The following ECI2 variants were observed in gnomAD, a reference collection of about 807,000 sequenced individuals.
ECI2 encodes D3,D2-enoyl-CoA isomerase.
Under a neutral mutation model 38.4 loss-of-function variants are expected in ECI2, and 27 were observed. The observed-to-expected ratio is 0.70, with a 90% confidence interval of 0.52 to 0.97. The LOEUF is 0.97. Among genes scored for constraint, ECI2 ranks in the 50% least tolerant of loss-of-function variants. ECI2 has a pLI of 0.00. For missense variants in ECI2, 470 were observed against 474.4 expected (o/e 0.99, Z 0.09); for synonymous variants, 168 against 172.0 (o/e 0.98, Z 0.18).
chr6:4,127,172 T>C (rs1773214491), intron 5 of ECI2, among the ~76,000 whole-genome samples: 1 of 152,230 alleles, frequency 6.6e-6, no homozygotes, highest in Non-Finnish European at 1.5e-5. Context: ...TATTCCATTG[T>C]ACAAATAGTC....
In ECI2 at chr6:4,119,282, A is replaced by G. The variant is rs2326408; in HGVS notation, c.796-7T>C. On this transcript the variant is annotated splice_region_variant and splice_polypyrimidine_tract_variant and intron_variant, in intron 7 of 9. Transcript: ENST00000380118. ...ATGGTGTATGAAATGTTGCCTGCAG[A>G]GGCAGGAGAGAAAAGAAAACCATCT... 665,870 of 1,590,442 alleles carry G rather than the reference A, an allele frequency of 0.42. 146,046 individuals carry two copies. The highest frequency in any genetic ancestry group is 0.8 in the African/African-American group (58,943 of 73,708).
intron 5 of ECI2, 97 bp downstream of exon 5, chr6:4,127,665 G>A (rs773062687): frequency 2.2e-5 from 27 of 1,245,158 alleles, no homozygotes; most frequent in South Asian, 1.9e-4. Context: ...CACCTGCCTC[G>A]GCCTCCAGGT....
At position 4,133,863 on chromosome 6, in the gene ECI2, T is replaced by C. The variant is rs573240889; in HGVS notation, c.51-152A>G. On this transcript the variant is annotated intron_variant, in intron 1 of 9. Coordinates refer to ENST00000380118, the MANE Select transcript of ECI2 (RefSeq NM_206836.3). ...GCCTCAGCAAACTGGCTGCAAATAA[T>C]TGGCTGTAAGGATTCCAAGATAATA... 1.0e-5 allele frequency: 9 copies of C among 883,872 alleles called. No homozygotes were observed. In the South Asian group the frequency reaches 2.3e-4, roughly 23 times the overall value. The allele number at this position is 883,872 out of a possible 1,614,324, so 54.8% of individuals were successfully genotyped here. A position where few individuals can be genotyped will look rare whatever the true frequency, so the allele number is the denominator to read the frequency against.
intron 4 of ECI2, among the ~76,000 whole-genome samples, chr6:4,129,402 C>T (rs1264362377): frequency 6.6e-6 from 1 of 152,134 alleles, no homozygotes; most frequent in Non-Finnish European, 1.5e-5. Context: ...GGGTGAGCCA[C>T]CACGACTGGC....
At chr6:4,124,951 A>AT in intron 7 of ECI2, 1 of 492,394 alleles carries the variant, frequency 2.0e-6, no homozygotes, top group South Asian at 1.6e-5. Flanking sequence ...CCCATAACAA[A>AT]TTTTCAAGTG....
In ECI2 at chr6:4,135,490, C is replaced by A. The variant is rs771405086; in HGVS notation, c.50+21G>T. Reference sequence around the variant, plus strand: ...ATCCTGCGGGCGACCATGGGCCGAACGGCCGGGACTCCAAGCTTACCTCGG... The same window carrying A: ...ATCCTGCGGGCGACCATGGGCCGAAAGGCCGGGACTCCAAGCTTACCTCGG... On this transcript the variant is annotated intron_variant, in intron 1 of 9. Coordinates refer to ENST00000380118, the MANE Select transcript of ECI2 (RefSeq NM_206836.3). The A allele has an allele frequency of 2.0e-5, 32 of 1,585,904 alleles. No homozygotes were observed. The South Asian group carries it at 2.5e-4, about 13-fold the overall frequency.
chr6:4,127,976 G>T, intron 4 of ECI2, 145 bp from the exon 5 acceptor site: 1 of 667,142 alleles, frequency 1.5e-6, no homozygotes. Context: ...CCAAAAAGGT[G>T]GACCAACATA....
chr6:4,125,294 C>T lies in ECI2; in HGVS notation c.751G>A (p.Val251Ile), dbSNP rs778015184. Residue 251 changes from valine (V) to isoleucine (I), a missense_variant, in exon 7 of 10, where the codon GTC becomes ATC. Physicochemically the swap from Val to Ile is conservative, Grantham distance 29. Transcript: ENST00000380118. ...GCATCGAATAGCCCAAGGAGGGTGA[C>T]GGAGATGCCCACAGCTGGACCATTG... Reference protein sequence around the residue: ...VVNGPAVGISVTLLGLFDAVY... With the variant: ...VVNGPAVGISITLLGLFDAVY... The T allele has an allele frequency of 1.2e-5, 20 of 1,614,096 alleles. No individual in the cohort carries two copies. Among genetic ancestry groups the T allele is most frequent in the Middle Eastern group, 3.3e-4 (2 of 6,062 alleles).
intron 8 of ECI2, 197 bp downstream of exon 8, chr6:4,118,989 C>A (rs1310464019): frequency 4.2e-6 from 2 of 473,656 alleles, no homozygotes; most frequent in African/African-American, 2.0e-5. Flanking sequence ...GAGAGAATTT[C>A]TAATTTTCCT....
At chr6:4,123,963 TA>T (rs775409140) in intron 7 of ECI2, among the ~76,000 whole-genome samples, 504 of 144,086 alleles carry the variant, frequency 3.5e-3, no homozygotes, top group African/African-American at 5.7e-3. Context: ...TCCCATCTCT[TA>T]AAAAAAAAAA....
At chr6:4,127,349 A>C (rs1384891789) in intron 5 of ECI2, among the ~76,000 whole-genome samples, 8 of 140,430 alleles carry the variant, frequency 5.7e-5, no homozygotes, top group African/African-American at 1.6e-4. Flanking sequence ...TTTTTTAAAC[A>C]TTTTTTGTAT....
intron 2 of ECI2, among the ~76,000 whole-genome samples, chr6:4,132,527 C>T (rs889362614): frequency 3.9e-5 from 6 of 152,180 alleles, no homozygotes; most frequent in East Asian, 3.9e-4. Context: ...ACTATACACA[C>T]CCATATGAAA....
intron 4 of ECI2, among the ~76,000 whole-genome samples, chr6:4,128,576 C>T (rs1419843247): frequency 2.0e-5 from 3 of 152,148 alleles, no homozygotes; most frequent in African/African-American, 2.4e-5. Context: ...AAACAGCCTG[C>T]CCTCCGTATC....
At position 4,126,194 on chromosome 6, in the gene ECI2, G is replaced by A; in HGVS notation, c.615C>T (p.Phe205=). ...YYSSGNDLTN[F]TDIPPGGVEE... ...CTACTCCACCAGGGGGAATATCAGT[G>A]AAGTTAGTCAGATCATTCCCACTAC... Residue 205 remains phenylalanine, a synonymous_variant, in exon 6 of 10, where the codon TTC becomes TTT. Transcript: ENST00000380118. 1 of 1,613,814 alleles carries A rather than the reference G, an allele frequency of 6.2e-7. No homozygotes were observed. Among genetic ancestry groups the A allele is most frequent in the Non-Finnish European group, 8.5e-7 (1 of 1,179,946 alleles).
intron 5 of ECI2, among the ~76,000 whole-genome samples, chr6:4,127,011 A>G (rs1342315204): frequency 6.6e-6 from 1 of 152,202 alleles, no homozygotes; most frequent in Non-Finnish European, 1.5e-5. Flanking sequence ...TTCTGACTTC[A>G]ATTTCCACAG....
chr6:4,135,201 C>A, intron 1 of ECI2: 1 of 757,436 alleles, frequency 1.3e-6, no homozygotes, highest in Non-Finnish European at 2.2e-6. Flanking sequence ...GCGGCTCACC[C>A]GCCCGGAGTC....
At position 4,126,270 on chromosome 6, in the gene ECI2, C is replaced by G; in HGVS notation, c.572-33G>C. The G allele has an allele frequency of 1.9e-6, 3 of 1,559,276 alleles. No individual in the cohort carries two copies. In the South Asian group the frequency reaches 3.4e-5, roughly 18 times the overall value. ...TAAGAAAATCAACAGATCCCTCATTCAATCATCCTATAATTCTTGAGTATC... is the reference window on the plus strand; with the variant it reads ...TAAGAAAATCAACAGATCCCTCATTGAATCATCCTATAATTCTTGAGTATC... On this transcript the variant is annotated intron_variant, in intron 5 of 9. Coordinates refer to ENST00000380118, the MANE Select transcript of ECI2 (RefSeq NM_206836.3).
intron 5 of ECI2, among the ~76,000 whole-genome samples, chr6:4,126,843 C>A (rs1303264530): frequency 6.6e-6 from 1 of 152,142 alleles, no homozygotes; most frequent in Non-Finnish European, 1.5e-5. Context: ...TACAATAAAA[C>A]AACCAGTTTT....
intron 7 of ECI2, 134 bp downstream of exon 7, chr6:4,125,116 G>A: frequency 6.9e-7 from 1 of 1,438,900 alleles, no homozygotes. Flanking sequence ...AATGCTTTGG[G>A]AAAAATCTAA....
Sources: gnomAD v4.1 joint callset for allele counts (sites outside exome capture counted in the v4.1 genomes callset) on GRCh38, gnomAD v4.1.1 for gene constraint, MANE v1.5 for transcripts, NCBI Gene and HGNC (gene_info 2026-07-23, HGNC 2026-07-21) for gene names.